SLC24A3: variants seen among roughly 807,000 people sequenced by gnomAD.
The protein encoded by SLC24A3 is solute carrier family 24 member 3, also known as sodium/potassium/calcium exchanger 3.
In SLC24A3, 28 loss-of-function variants were observed where a neutral mutation model predicts 75.8. The observed-to-expected ratio is 0.37, with a 90% confidence interval of 0.27 to 0.51. The LOEUF (loss-of-function observed/expected upper bound fraction) is 0.51, where lower values mean the gene tolerates loss of function less well. SLC24A3 is among the 20% of genes least tolerant of loss of function. SLC24A3 has a pLI of 0.94. For missense variants in SLC24A3, 663 were observed against 847.8 expected (o/e 0.78, Z 2.71); for synonymous variants, 372 against 334.1 (o/e 1.11, Z -1.24).
chr20:19,367,758 T>A (rs1286527035), intron 2 of SLC24A3, among the ~76,000 whole-genome samples: 1 of 152,196 alleles, frequency 6.6e-6, no homozygotes, highest in Non-Finnish European at 1.5e-5. Flanking sequence ...TCATGAAACA[T>A]CCCAGACAAG....
chr20:19,669,871 G>A (rs928759402), intron 8 of SLC24A3, among the ~76,000 whole-genome samples: 4 of 152,200 alleles, frequency 2.6e-5, no homozygotes, highest in African/African-American at 4.8e-5. Flanking sequence ...TCAGGGACCC[G>A]TTGAAAATGA....
intron 3 of SLC24A3, among the ~76,000 whole-genome samples, chr20:19,561,519 C>T (rs2030874738): frequency 6.6e-6 from 1 of 152,156 alleles, no homozygotes; most frequent in African/African-American, 2.4e-5. Flanking sequence ...AAGTAGCCCC[C>T]ACAGATGCAG....
At chr20:19,534,524 C>A (rs1463392914) in intron 3 of SLC24A3, among the ~76,000 whole-genome samples, 1 of 150,996 alleles carries the variant, frequency 6.6e-6, no homozygotes, top group African/African-American at 2.4e-5. Context: ...GATCTTCCTG[C>A]CTCAGCCTCC....
chr20:19,293,304 G>A, intron 2 of SLC24A3, among the ~76,000 whole-genome samples: 1 of 152,128 alleles, frequency 6.6e-6, no homozygotes, highest in East Asian at 1.9e-4. Context: ...CAATTGCCCT[G>A]GTTTCATGCA....
intron 2 of SLC24A3, among the ~76,000 whole-genome samples, chr20:19,341,412 G>T (rs775437005): frequency 6.6e-6 from 1 of 152,180 alleles, no homozygotes; most frequent in African/African-American, 2.4e-5. Context: ...ACGTAGGTTT[G>T]GGAACTGGAC....
intron 2 of SLC24A3, among the ~76,000 whole-genome samples, chr20:19,285,833 G>T (rs998456932): frequency 9.9e-5 from 15 of 152,054 alleles, no homozygotes; most frequent in Non-Finnish European, 1.6e-4. Flanking sequence ...ATTGAAGATG[G>T]TAGACAACTG....
intron 6 of SLC24A3, among the ~76,000 whole-genome samples, chr20:19,652,508 CTTTATA>C (rs1910665525): frequency 6.6e-6 from 1 of 152,068 alleles, no homozygotes; most frequent in Non-Finnish European, 1.5e-5. Context: ...GTAAAGAATA[CTTTATA>C]TTTATTCTAA....
At chr20:19,304,650 T>A (rs577313255) in intron 2 of SLC24A3, among the ~76,000 whole-genome samples, 30 of 152,274 alleles carry the variant, frequency 2.0e-4, no homozygotes, top group African/African-American at 7.2e-4. Context: ...TTAGGTTAAT[T>A]TTTTCCCCTT....
At chr20:19,646,700 G>A (rs2032141922) in intron 6 of SLC24A3, among the ~76,000 whole-genome samples, 1 of 152,172 alleles carries the variant, frequency 6.6e-6, no homozygotes, top group Admixed American at 6.5e-5. Context: ...TGGCCTCTGA[G>A]AGCCCCTCAT....
chr20:19,252,571 G>A (rs778301414), intron 1 of SLC24A3, among the ~76,000 whole-genome samples: 2 of 149,248 alleles, frequency 1.3e-5, no homozygotes, highest in Non-Finnish European at 3.0e-5. Context: ...TTTCCAATAA[G>A]TGAATATTCA....
intron 2 of SLC24A3, among the ~76,000 whole-genome samples, chr20:19,511,762 C>A (rs2029890428): frequency 6.6e-6 from 1 of 152,082 alleles, no homozygotes; most frequent in Non-Finnish European, 1.5e-5. Flanking sequence ...AACCATTTTT[C>A]CAATTTTGTT....
chr20:19,530,898 G>A (rs1483454766), intron 3 of SLC24A3, among the ~76,000 whole-genome samples: 2 of 152,182 alleles, frequency 1.3e-5, no homozygotes, highest in African/African-American at 4.8e-5. Flanking sequence ...ATGCCCTGGG[G>A]TTAGACAGAG....
At chr20:19,679,502 G>A (rs983035271) in intron 9 of SLC24A3, among the ~76,000 whole-genome samples, 3 of 66,212 alleles carry the variant, frequency 4.5e-5, no homozygotes, top group Admixed American at 1.8e-4. Context: ...GGAAAGAGAC[G>A]GAGAGGGAGA....
chr20:19,320,599 G>A (rs996693844), intron 2 of SLC24A3, among the ~76,000 whole-genome samples: 8 of 151,926 alleles, frequency 5.3e-5, no homozygotes, highest in Non-Finnish European at 7.4e-5. Flanking sequence ...GTTACATTAC[G>A]TTACACATAT....
intron 1 of SLC24A3, among the ~76,000 whole-genome samples, chr20:19,247,943 T>G (rs531308548): frequency 6.6e-6 from 1 of 152,198 alleles, no homozygotes; most frequent in African/African-American, 2.4e-5. Context: ...TTTCCTCCTT[T>G]GTAAATAAGT....
At chr20:19,450,134 A>G (rs1017340856) in intron 2 of SLC24A3, among the ~76,000 whole-genome samples, 2 of 152,164 alleles carry the variant, frequency 1.3e-5, no homozygotes, top group East Asian at 3.9e-4. Flanking sequence ...GGTCTCTACA[A>G]GTTAATGTGG....
chr20:19,608,698 T>C lies in SLC24A3; in HGVS notation c.612+23154T>C, dbSNP rs1425310747. Among the ~76,000 whole-genome samples, 4 of 152,338 alleles carry C rather than the reference T, an allele frequency of 2.6e-5. No homozygotes were observed. The East Asian group carries it at 7.7e-4, about 29-fold the overall frequency. On this transcript the variant is annotated intron_variant, in intron 6 of 16. Coordinates refer to ENST00000328041, the MANE Select transcript of SLC24A3 (RefSeq NM_020689.4). ...TGTAATGTATAATGGAGGCAGAGGT[T>C]CTTCGTTGATCTAAGTTCAGCATTC...
intron 12 of SLC24A3, among the ~76,000 whole-genome samples, chr20:19,691,229 T>G (rs892408129): frequency 2.6e-5 from 4 of 152,226 alleles, no homozygotes; most frequent in Non-Finnish European, 4.4e-5. Flanking sequence ...ATGAGAGTTA[T>G]ATTTAGATTT....
At chr20:19,634,350 CCAG>C (rs2031973895) in intron 6 of SLC24A3, among the ~76,000 whole-genome samples, 1 of 152,086 alleles carries the variant, frequency 6.6e-6, no homozygotes, top group Non-Finnish European at 1.5e-5. Flanking sequence ...TGCTAGTTGC[CCAG>C]CGGCCACCAG....
Sources: gnomAD v4.1 joint callset for allele counts (sites outside exome capture counted in the v4.1 genomes callset) on GRCh38, gnomAD v4.1.1 for gene constraint, MANE v1.5 for transcripts, NCBI Gene and HGNC (gene_info 2026-07-23, HGNC 2026-07-21) for gene names.